The following IL16 variants were observed in gnomAD, a reference collection of about 807,000 sequenced individuals.
The protein encoded by IL16 is pro-interleukin-16.
A neutral mutation model predicts 110.1 loss-of-function variants in IL16; 67 were observed. That is an observed-to-expected ratio of 0.61 (90% confidence interval 0.50 to 0.75). The LOEUF is 0.75. Ranked by LOEUF, IL16 falls within the 30% of genes least tolerant of loss-of-function variation. The pLI is 0.00. For synonymous variants in IL16, 689 were observed against 662.9 expected (o/e 1.04, Z -0.61); for missense variants, 1,545 against 1,655.0 (o/e 0.93, Z 1.15).
chr15:81,203,527 G>T (rs1185768497), intron 1 of IL16, among the ~76,000 whole-genome samples: 1 of 151,902 alleles, frequency 6.6e-6, no homozygotes, highest in East Asian at 1.9e-4. Context: ...TCCAGTTTCA[G>T]CTTTCTACAT....
At chr15:81,239,687 A>G (rs532851975) in intron 2 of IL16, among the ~76,000 whole-genome samples, 20 of 152,352 alleles carry the variant, frequency 1.3e-4, no homozygotes, top group African/African-American at 4.8e-4. Flanking sequence ...TGGTTGTGGA[A>G]CAGAGGCTGG....
intron 10 of IL16, among the ~76,000 whole-genome samples, chr15:81,287,878 T>C (rs1258410189): frequency 1.3e-5 from 2 of 152,242 alleles, no homozygotes; most frequent in Non-Finnish European, 2.9e-5. Flanking sequence ...ATAATTGGCC[T>C]AAATCTCTGG....
At chr15:81,213,606 T>C (rs554026104) in intron 1 of IL16, among the ~76,000 whole-genome samples, 1 of 152,336 alleles carries the variant, frequency 6.6e-6, no homozygotes, top group Non-Finnish European at 1.5e-5. Context: ...GATAGTTAAA[T>C]TTTCTTGTTG....
intron 17 of IL16, 65 bp downstream of exon 17, chr15:81,306,231 C>A: frequency 5.7e-6 from 9 of 1,566,326 alleles, no homozygotes; most frequent in Non-Finnish European, 7.8e-6. Context: ...TGGGGCCAGA[C>A]CTGATGGGGC....
chr15:81,292,610 G>A lies in IL16; in HGVS notation c.1475G>A (p.Arg492Gln), dbSNP rs774604285. 50 of 1,607,318 alleles carry A rather than the reference G, an allele frequency of 3.1e-5. No individual in the cohort carries two copies. The highest frequency in any genetic ancestry group is 4.4e-5 in the South Asian group (4 of 90,892). ...WHGRPTLEKE[R>Q]EKNSAPPHRR... ...GGGCGGCCCACCTTGGAGAAGGAACGAGAGAAGAACTCAGCACCCCCGCAT... is the reference window on the plus strand; with the variant it reads ...GGGCGGCCCACCTTGGAGAAGGAACAAGAGAAGAACTCAGCACCCCCGCAT... The change falls in exon 12 of 19, where the codon CGA (arginine) becomes CAA (glutamine). Residue 492 changes from arginine to glutamine, a missense_variant. Physicochemically the swap from Arg to Gln is conservative, Grantham distance 43 (BLOSUM62 1). Transcript: ENST00000683961.
chr15:81,227,477 G>A (rs1255732427), intron 2 of IL16, among the ~76,000 whole-genome samples: 1 of 152,174 alleles, frequency 6.6e-6, no homozygotes, highest in Non-Finnish European at 1.5e-5. Flanking sequence ...AGTGGGAACA[G>A]CATGTGCAAA....
At chr15:81,289,822 G>T (rs1487181403) in intron 10 of IL16, 6 of 396,664 alleles carry the variant, frequency 1.5e-5, no homozygotes, top group Admixed American at 3.4e-5. Context: ...TTTGTTTCCT[G>T]TACTTTTGAT....
intron 1 of IL16, among the ~76,000 whole-genome samples, chr15:81,219,446 T>TACCTCCATATTGGAGGTAATATATA (rs1439350038): frequency 1.1e-4 from 17 of 150,342 alleles, no homozygotes; most frequent in African/African-American, 3.6e-4. Context: ...GGTAATATAT[T>TACCTCCATATTGGAGGTAATATATA]ACCTCCATAT....
chr15:81,266,901 G>A (rs1898407016), intron 4 of IL16, among the ~76,000 whole-genome samples: 1 of 152,180 alleles, frequency 6.6e-6, no homozygotes, highest in Non-Finnish European at 1.5e-5. Flanking sequence ...CATAATAGAT[G>A]CTCAGTGAAT....
At chr15:81,273,001 C>A in intron 5 of IL16, 89 bp from the exon 6 acceptor site, 1 of 983,168 alleles carries the variant, frequency 1.0e-6, no homozygotes, top group East Asian at 2.6e-5. Flanking sequence ...TCCCTTTGTT[C>A]AGGGCTGAGG....
chr15:81,285,553 G>T (rs987518692), intron 9 of IL16, 145 bp from the exon 10 acceptor site: 1 of 771,952 alleles, frequency 1.3e-6, no homozygotes, highest in Non-Finnish European at 2.1e-6. Flanking sequence ...TCTGAGTTTT[G>T]GTCTGGTGGC....
intron 16 of IL16, among the ~76,000 whole-genome samples, chr15:81,304,425 C>A (rs1343370396): frequency 6.6e-6 from 1 of 152,120 alleles, no homozygotes; most frequent in African/African-American, 2.4e-5. Flanking sequence ...GGCCAGTCAC[C>A]CTTGAGACAC....
intron 14 of IL16, among the ~76,000 whole-genome samples, chr15:81,301,039 A>G (rs1044023059): frequency 2.6e-5 from 4 of 152,174 alleles, no homozygotes; most frequent in African/African-American, 9.7e-5. Context: ...TAGGAGATGG[A>G]TGAGACCTTC....
chr15:81,305,487 G>A (rs949870283), intron 16 of IL16, among the ~76,000 whole-genome samples: 3 of 152,158 alleles, frequency 2.0e-5, no homozygotes, highest in African/African-American at 7.2e-5. Flanking sequence ...AACACTGGGA[G>A]ACCCTGTCTC....
rs1051146709 is a variant in IL16, at chr15:81,310,284, G to T, written c.*1486G>T. 6.6e-6 allele frequency: 1 copy of T among 152,266 alleles called. No individual in the cohort carries two copies. Among genetic ancestry groups the T allele is most frequent in the East Asian group, 1.9e-4 (1 of 5,198 alleles). The allele number at this position is 152,266 out of a possible 1,614,324, so 9.4% of individuals were successfully genotyped here. A position where few individuals can be genotyped will look rare whatever the true frequency, so the allele number is the denominator to read the frequency against. On this transcript the variant is annotated 3_prime_UTR_variant, in exon 19 of 19. Transcript: ENST00000683961. ...ATGGCTTCTCCAGGGTCCACAGGAAGTGAAGAATCTGTTTCCCAGCAGTGG... is the reference window on the plus strand; with the variant it reads ...ATGGCTTCTCCAGGGTCCACAGGAATTGAAGAATCTGTTTCCCAGCAGTGG...
At chr15:81,199,068 A>T (rs2141946837) in intron 1 of IL16, among the ~76,000 whole-genome samples, 1 of 145,804 alleles carries the variant, frequency 6.9e-6, no homozygotes, top group Non-Finnish European at 1.5e-5. Flanking sequence ...TATAAAATAC[A>T]TATTTTTTAT....
In IL16 at chr15:81,313,026, G is replaced by A. The variant is rs984810993; in HGVS notation, c.*4228G>A. On this transcript the variant is annotated 3_prime_UTR_variant, in exon 19 of 19. Coordinates refer to ENST00000683961, the MANE Select transcript of IL16 (RefSeq NM_172217.5). Reference sequence around the variant, plus strand: ...GAGAGGCGTGTTTGGGTAACAGGCAGATGGAGTTTGGAACACATGAATGGC... The same window carrying A: ...GAGAGGCGTGTTTGGGTAACAGGCAAATGGAGTTTGGAACACATGAATGGC... The A allele has an allele frequency of 5.6e-6, 2 of 356,176 alleles. No homozygotes were observed. Among genetic ancestry groups the A allele is most frequent in the African/African-American group, 4.3e-5 (2 of 47,032 alleles). The allele number at this position is 356,176 out of a possible 1,614,324, so 22.1% of individuals were successfully genotyped here.
intron 2 of IL16, among the ~76,000 whole-genome samples, chr15:81,233,207 G>A (rs1205352062): frequency 6.6e-6 from 1 of 152,048 alleles, no homozygotes; most frequent in African/African-American, 2.4e-5. Context: ...TTTACATGAA[G>A]TTGTAAAGAA....
intron 2 of IL16, among the ~76,000 whole-genome samples, chr15:81,245,234 CT>C (rs1447889787): frequency 6.6e-6 from 1 of 152,134 alleles, no homozygotes; most frequent in Non-Finnish European, 1.5e-5. Context: ...GAATCCTGGA[CT>C]TTTAAAAATT....
Sources: allele counts gnomAD v4.1 joint callset (sites outside exome capture counted in the v4.1 genomes callset), GRCh38; gene constraint gnomAD v4.1.1; transcripts MANE v1.5; gene names NCBI Gene and HGNC (gene_info 2026-07-23, HGNC 2026-07-21).